Variants in CCSER1 observed in about 807,000 individuals in gnomAD.
CCSER1 encodes serine-rich coiled-coil domain-containing protein 1.
Under a neutral mutation model 82.0 loss-of-function variants are expected in CCSER1, and 41 were observed. The ratio of observed to expected loss-of-function variants is 0.50; its 90% CI spans 0.39 to 0.65. The LOEUF (loss-of-function observed/expected upper bound fraction) is 0.65, where lower values mean the gene tolerates loss of function less well. Among genes scored for constraint, CCSER1 ranks in the 30% least tolerant of loss-of-function variants. The pLI is 0.00. For missense variants in CCSER1, 1,119 were observed against 1,064.2 expected (o/e 1.05, Z -0.72); for synonymous variants, 414 against 383.9 (o/e 1.08, Z -0.92).
intron 10 of CCSER1, among the ~76,000 whole-genome samples, chr4:91,572,061 G>T (rs1402616287): frequency 6.6e-6 from 1 of 152,164 alleles, no homozygotes; most frequent in Non-Finnish European, 1.5e-5. Context: ...GAGTTGCCAA[G>T]TTGCTACTGG....
chr4:91,403,168 G>T (rs1376503408), intron 10 of CCSER1, among the ~76,000 whole-genome samples: 2 of 152,150 alleles, frequency 1.3e-5, no homozygotes, highest in Non-Finnish European at 2.9e-5. Context: ...TTGTGAATGG[G>T]AGTTCACTCA....
chr4:91,212,322 GC>G (rs1736882981), intron 10 of CCSER1, among the ~76,000 whole-genome samples: 2 of 151,980 alleles, frequency 1.3e-5, no homozygotes, highest in African/African-American at 4.8e-5. Flanking sequence ...CTGCCGAGCT[GC>G]TTTTGAGATC....
intron 9 of CCSER1, among the ~76,000 whole-genome samples, chr4:91,081,246 G>T (rs954309341): frequency 9.2e-5 from 14 of 152,116 alleles, no homozygotes; most frequent in African/African-American, 2.9e-4. Flanking sequence ...ATGCAAGGCT[G>T]GTTCAACATA....
intron 10 of CCSER1, among the ~76,000 whole-genome samples, chr4:91,535,616 A>T (rs183711846): frequency 6.6e-6 from 1 of 152,046 alleles, no homozygotes; most frequent in Non-Finnish European, 1.5e-5. Flanking sequence ...TTATTCCTAT[A>T]TATTTATCAG....
At chr4:90,141,020 A>ATC (rs146218548) in intron 1 of CCSER1, among the ~76,000 whole-genome samples, 1 of 145,874 alleles carries the variant, frequency 6.9e-6, no homozygotes, top group Non-Finnish European at 1.5e-5. Context: ...ACCCAGCAAG[A>ATC]TATCTATCTA....
At chr4:90,216,004 C>T (rs1393822438) in intron 1 of CCSER1, among the ~76,000 whole-genome samples, 7 of 152,108 alleles carry the variant, frequency 4.6e-5, no homozygotes, top group Admixed American at 4.6e-4. Flanking sequence ...TTCCGCTCAC[C>T]AACTGTGAAA....
At chr4:90,842,887 A>G (rs539715087) in intron 8 of CCSER1, among the ~76,000 whole-genome samples, 4 of 150,154 alleles carry the variant, frequency 2.7e-5, no homozygotes, top group Non-Finnish European at 5.9e-5. Flanking sequence ...CCAAAAATTT[A>G]CAGTTTTTAT....
chr4:91,124,066 C>T (rs1727304995), intron 10 of CCSER1, among the ~76,000 whole-genome samples: 2 of 151,430 alleles, frequency 1.3e-5, no homozygotes, highest in African/African-American at 4.8e-5. Flanking sequence ...TTTTTATGAC[C>T]CCTGTGGATT....
At chr4:91,372,930 G>T (rs1368865636) in intron 10 of CCSER1, among the ~76,000 whole-genome samples, 1 of 151,786 alleles carries the variant, frequency 6.6e-6, no homozygotes, top group African/African-American at 2.4e-5. Flanking sequence ...TGTTATTAGA[G>T]TTCTAGTATC....
intron 8 of CCSER1, among the ~76,000 whole-genome samples, chr4:90,863,544 CT>C (rs924327353): frequency 6.6e-6 from 1 of 151,580 alleles, no homozygotes; most frequent in African/African-American, 2.4e-5. Context: ...CTTTGCGTTT[CT>C]TTTTTTCTTT....
chr4:91,071,255 A>G (rs916495202), intron 9 of CCSER1, among the ~76,000 whole-genome samples: 4 of 152,198 alleles, frequency 2.6e-5, no homozygotes, highest in African/African-American at 9.6e-5. Context: ...TCTAACATGG[A>G]AAGATGATAA....
intron 8 of CCSER1, among the ~76,000 whole-genome samples, 195 bp downstream of exon 8, chr4:90,816,040 A>G (rs140536835): frequency 7.3e-4 from 111 of 152,326 alleles, no homozygotes; most frequent in African/African-American, 2.4e-3. Context: ...AGGATGTTTT[A>G]TAATATATGT....
At chr4:90,391,280 AAAAAAAG>A (rs1298241282) in intron 3 of CCSER1, among the ~76,000 whole-genome samples, 3 of 141,364 alleles carry the variant, frequency 2.1e-5, no homozygotes, top group Admixed American at 7.0e-5. Context: ...CTCAAAAAAA[AAAAAAAG>A]AAAAAAAAAG....
intron 1 of CCSER1, among the ~76,000 whole-genome samples, chr4:90,269,688 A>G (rs934600715): frequency 1.3e-5 from 2 of 150,036 alleles, no homozygotes; most frequent in Non-Finnish European, 2.9e-5. Context: ...ATATTAGAGC[A>G]GAAATAAATG....
intron 5 of CCSER1, among the ~76,000 whole-genome samples, chr4:90,534,441 TTGTGTGTG>T (rs376987549): frequency 0.053 from 7,285 of 136,446 alleles, 229 homozygotes; most frequent in African/African-American, 0.086. Context: ...TGCCAGCCTT[TTGTGTGTG>T]TGTGTGTGTG....
At chr4:90,979,530 G>A (rs1024048160) in intron 9 of CCSER1, among the ~76,000 whole-genome samples, 11 of 151,754 alleles carry the variant, frequency 7.2e-5, no homozygotes, top group Admixed American at 1.3e-4. Context: ...ATGCAAGTAC[G>A]CACTGATGAT....
intron 4 of CCSER1, among the ~76,000 whole-genome samples, chr4:90,407,720 C>T (rs908254571): frequency 1.4e-4 from 21 of 152,214 alleles, no homozygotes; most frequent in African/African-American, 3.4e-4. Flanking sequence ...ACGCAGAAGA[C>T]GGGTGATTTC....
intron 1 of CCSER1, among the ~76,000 whole-genome samples, chr4:90,196,420 A>T (rs1271188802): frequency 6.6e-6 from 1 of 151,962 alleles, no homozygotes; most frequent in Admixed American, 6.6e-5. Context: ...ACTCAGTTGA[A>T]GTCAGCTGCC....
chr4:91,604,952 AT>A lies in CCSER1; in HGVS notation c.*5900del. On this transcript the variant is annotated 3_prime_UTR_variant, in exon 11 of 11. Coordinates refer to ENST00000509176, the MANE Select transcript of CCSER1 (RefSeq NM_001145065.2). Reference sequence around the variant, plus strand: ...GAATTGATTATCTTAGTTAGACCCCATTTTTAAGGAAAAAATACACCCTGTA... The same window carrying A: ...GAATTGATTATCTTAGTTAGACCCCATTTTAAGGAAAAAATACACCCTGTA... 1 of 152,100 alleles carries A rather than the reference AT, an allele frequency of 6.6e-6. No individual in the cohort carries two copies. The highest frequency in any genetic ancestry group is 1.9e-4 in the East Asian group (1 of 5,168). 9.4% of individuals were successfully genotyped at this position (152,100 alleles called of 1,614,324 possible).
Sources: gnomAD v4.1 joint callset for allele counts (sites outside exome capture counted in the v4.1 genomes callset) on GRCh38, gnomAD v4.1.1 for gene constraint, MANE v1.5 for transcripts, NCBI Gene and HGNC (gene_info 2026-07-23, HGNC 2026-07-21) for gene names.